GHR: variants seen among roughly 807,000 people sequenced by gnomAD.
GHR encodes the protein GH receptor.
GHR carries 35 observed loss-of-function variants against 67.1 expected under a neutral mutation model. That is an observed-to-expected ratio of 0.52 (90% CI 0.40 to 0.69). The LOEUF is 0.69. GHR is among the 30% of genes least tolerant of loss of function. GHR has a pLI of 0.00. For missense variants in GHR, 792 were observed against 764.6 expected (o/e 1.04, Z -0.42); for synonymous variants, 272 against 269.1 (o/e 1.01, Z -0.10).
intron 1 of GHR, among the ~76,000 whole-genome samples, chr5:42,532,035 T>G (rs756318601): frequency 6.6e-6 from 1 of 152,016 alleles, no homozygotes; most frequent in South Asian, 2.1e-4. Flanking sequence ...CTGGGAATAC[T>G]TGTGACAAGA....
At chr5:42,526,758 G>A (rs1477558080) in intron 1 of GHR, among the ~76,000 whole-genome samples, 1 of 152,096 alleles carries the variant, frequency 6.6e-6, no homozygotes, top group Non-Finnish European at 1.5e-5. Flanking sequence ...TACACAAGAA[G>A]ATCATACCCC....
At chr5:42,457,559 T>G (rs1291045336) in intron 1 of GHR, among the ~76,000 whole-genome samples, 1 of 152,200 alleles carries the variant, frequency 6.6e-6, no homozygotes, top group Non-Finnish European at 1.5e-5. Context: ...GCTATTTGAT[T>G]TCTCTTATTT....
intron 3 of GHR, among the ~76,000 whole-genome samples, chr5:42,678,474 T>C (rs569641944): frequency 6.6e-6 from 1 of 152,304 alleles, no homozygotes; most frequent in Non-Finnish European, 1.5e-5. Flanking sequence ...AGGTACACCG[T>C]AATTCACTAG....
chr5:42,628,816 T>C (rs1444040266), intron 2 of GHR, among the ~76,000 whole-genome samples: 1 of 131,088 alleles, frequency 7.6e-6, no homozygotes, highest in Non-Finnish European at 1.6e-5. Context: ...TGATCTCTAC[T>C]TTAACATTAA....
intron 1 of GHR, among the ~76,000 whole-genome samples, chr5:42,523,764 T>A (rs999820226): frequency 1.3e-5 from 2 of 152,170 alleles, no homozygotes; most frequent in African/African-American, 4.8e-5. Context: ...GAATTGTATT[T>A]CCCAGAATTT....
At chr5:42,437,713 A>G (rs1366623812) in intron 1 of GHR, among the ~76,000 whole-genome samples, 1 of 151,530 alleles carries the variant, frequency 6.6e-6, no homozygotes, top group African/African-American at 2.4e-5. Context: ...ACGCCCAGCT[A>G]ATTTTTGTAT....
At chr5:42,717,367 C>G (rs1758770901) in intron 8 of GHR, among the ~76,000 whole-genome samples, 1 of 152,064 alleles carries the variant, frequency 6.6e-6, no homozygotes, top group South Asian at 2.1e-4. Flanking sequence ...AAAATAGATA[C>G]ATGATTTATT....
chr5:42,474,324 A>AGAAAGAAAG (rs1745185104), intron 1 of GHR, among the ~76,000 whole-genome samples: 1 of 139,938 alleles, frequency 7.1e-6, no homozygotes, highest in Non-Finnish European at 1.6e-5. Context: ...AAAGAAAGAA[A>AGAAAGAAAG]GAAAGAAAGA....
chr5:42,468,102 C>A, intron 1 of GHR: 3 of 1,124,944 alleles, frequency 2.7e-6, no homozygotes, highest in Non-Finnish European at 3.9e-6. Flanking sequence ...GTTTTTGGAA[C>A]CAGTAACTGA....
At chr5:42,548,145 G>A in intron 1 of GHR, 4 of 985,028 alleles carry the variant, frequency 4.1e-6, no homozygotes, top group Non-Finnish European at 4.8e-6. Flanking sequence ...AGATGTACTG[G>A]GCAAAGGTCA....
chr5:42,474,869 CTTTTTTTTTTTTTGCCCTTTTTTT>C (rs948414255), intron 1 of GHR, among the ~76,000 whole-genome samples: 4 of 106,674 alleles, frequency 3.7e-5, no homozygotes, highest in African/African-American at 1.4e-4. Flanking sequence ...ACATTTTTTT[CTTTTTTTTTTTTTGCCCTTTTTTT>C]TTTTTTTTTA....
At chr5:42,594,351 C>T (rs1463536521) in intron 2 of GHR, among the ~76,000 whole-genome samples, 2 of 152,222 alleles carry the variant, frequency 1.3e-5, no homozygotes, top group Non-Finnish European at 2.9e-5. Context: ...CTCCACTCTC[C>T]ATGGTCACTG....
intron 2 of GHR, among the ~76,000 whole-genome samples, chr5:42,616,587 G>C (rs1753161670): frequency 6.6e-6 from 1 of 151,860 alleles, no homozygotes. Context: ...AAGTTCAATG[G>C]AGAGGCTCAG....
chr5:42,525,044 T>C (rs984414029), intron 1 of GHR, among the ~76,000 whole-genome samples: 9 of 152,174 alleles, frequency 5.9e-5, no homozygotes, highest in African/African-American at 1.7e-4. Flanking sequence ...AAAGGAAATG[T>C]GGGGTCAGAG....
At chr5:42,571,723 C>T (rs1011803785) in intron 2 of GHR, among the ~76,000 whole-genome samples, 1 of 152,210 alleles carries the variant, frequency 6.6e-6, no homozygotes, top group Non-Finnish European at 1.5e-5. Context: ...GAGTATATTT[C>T]TGGTCTTCCG....
At chr5:42,470,159 T>TA (rs1204640068) in intron 1 of GHR, among the ~76,000 whole-genome samples, 1 of 146,170 alleles carries the variant, frequency 6.8e-6, no homozygotes, top group African/African-American at 2.5e-5. Flanking sequence ...TATATTATAA[T>TA]ATATAAGATA....
At chr5:42,534,070 G>A (rs924679485) in intron 1 of GHR, among the ~76,000 whole-genome samples, 9 of 149,164 alleles carry the variant, frequency 6.0e-5, no homozygotes, top group East Asian at 3.9e-4. Flanking sequence ...ATATATGTAC[G>A]TATGTATATA....
intron 6 of GHR, 113 bp from the exon 7 acceptor site, chr5:42,711,094 T>G: frequency 2.5e-6 from 2 of 801,292 alleles, no homozygotes; most frequent in Non-Finnish European, 4.4e-6. Context: ...TTTTAAAATA[T>G]TACCTACTTT....
chr5:42,490,532 C>T (rs1746072488), intron 1 of GHR, among the ~76,000 whole-genome samples: 1 of 152,230 alleles, frequency 6.6e-6, no homozygotes. Flanking sequence ...GATGGAGCTT[C>T]ACAAGTGAAC....
Sources: gnomAD v4.1 joint callset for allele counts (sites outside exome capture counted in the v4.1 genomes callset) on GRCh38, gnomAD v4.1.1 for gene constraint, MANE v1.5 for transcripts, NCBI Gene and HGNC (gene_info 2026-07-23, HGNC 2026-07-21) for gene names.